Variants in SLC12A1 observed in about 807,000 individuals in gnomAD.
The protein encoded by SLC12A1 is solute carrier family 12 member 1.
In SLC12A1, 89 loss-of-function variants were observed where a neutral mutation model predicts 130.4. That is an observed-to-expected ratio of 0.68 (90% CI 0.58 to 0.81). The LOEUF is 0.81. SLC12A1 is among the 40% of genes least tolerant of loss of function. SLC12A1 has a pLI of 0.00. For synonymous variants in SLC12A1, 499 were observed against 460.0 expected (o/e 1.08, Z -1.09); for missense variants, 1,310 against 1,336.4 (o/e 0.98, Z 0.31).
At chr15:48,273,238 G>T (rs1320330112) in intron 19 of SLC12A1, among the ~76,000 whole-genome samples, 1 of 152,102 alleles carries the variant, frequency 6.6e-6, no homozygotes, top group Non-Finnish European at 1.5e-5. Context: ...GCTTCCAGAA[G>T]CTCCCCTCAT....
chr15:48,274,516 G>T (rs1731955736), intron 19 of SLC12A1, 55 bp from the exon 20 acceptor site: 3 of 1,146,282 alleles, frequency 2.6e-6, no homozygotes, highest in Non-Finnish European at 3.9e-6. Flanking sequence ...CTAGTCCAAA[G>T]CTTGAGGATT....
At chr15:48,272,530 G>A (rs1025204354) in intron 19 of SLC12A1, among the ~76,000 whole-genome samples, 7 of 152,128 alleles carry the variant, frequency 4.6e-5, no homozygotes, top group Admixed American at 2.6e-4. Flanking sequence ...AGGTTCAAGC[G>A]ACTCTCCTGT....
chr15:48,220,149 A>AGATAGAT (rs2041189220), intron 2 of SLC12A1, among the ~76,000 whole-genome samples: 4 of 149,588 alleles, frequency 2.7e-5, no homozygotes, highest in Non-Finnish European at 5.9e-5. Flanking sequence ...ATAGATAGAT[A>AGATAGAT]GATAGATAGA....
intron 5 of SLC12A1, chr15:48,227,635 A>G (rs1194980631): frequency 6.1e-6 from 1 of 164,158 alleles, no homozygotes; most frequent in Non-Finnish European, 1.3e-5. Flanking sequence ...GATCATTAGA[A>G]GGGAATAAAC....
At chr15:48,231,574 T>C (rs1456447178) in intron 7 of SLC12A1, among the ~76,000 whole-genome samples, 1 of 152,198 alleles carries the variant, frequency 6.6e-6, no homozygotes, top group Non-Finnish European at 1.5e-5. Context: ...CTCTCGGTGC[T>C]TCAGTGTCTT....
At chr15:48,238,833 A>G (rs1177054697) in intron 9 of SLC12A1, among the ~76,000 whole-genome samples, 1 of 152,236 alleles carries the variant, frequency 6.6e-6, no homozygotes, top group Non-Finnish European at 1.5e-5. Context: ...GTTCCCATCC[A>G]GAACCTTACA....
intron 2 of SLC12A1, among the ~76,000 whole-genome samples, chr15:48,215,017 C>T (rs985431312): frequency 6.6e-6 from 1 of 150,480 alleles, no homozygotes; most frequent in Non-Finnish European, 1.5e-5. Context: ...GTATAAGTAG[C>T]AAATATTATC....
At chr15:48,230,263 C>T (rs758316105) in intron 6 of SLC12A1, 130 bp from the exon 7 acceptor site, 40 of 599,390 alleles carry the variant, frequency 6.7e-5, no homozygotes, top group Non-Finnish European at 1.1e-4. Flanking sequence ...TGTATGAATA[C>T]TCCATTTTTC....
chr15:48,226,164 C>A, intron 4 of SLC12A1: 1 of 263,028 alleles, frequency 3.8e-6, no homozygotes, highest in Non-Finnish European at 7.0e-6. Context: ...GAAAGAAGGT[C>A]AAATGTCATG....
intron 16 of SLC12A1, among the ~76,000 whole-genome samples, chr15:48,257,398 G>A (rs912161355): frequency 6.6e-6 from 1 of 152,134 alleles, no homozygotes; most frequent in East Asian, 1.9e-4. Flanking sequence ...AGTCTGTCTG[G>A]GGGCTCCGAC....
chr15:48,279,976 G>C (rs893928588), intron 20 of SLC12A1, among the ~76,000 whole-genome samples: 1 of 152,184 alleles, frequency 6.6e-6, no homozygotes, highest in Non-Finnish European at 1.5e-5. Flanking sequence ...GCTTTGAGTT[G>C]ATTGACCAAG....
intron 9 of SLC12A1, among the ~76,000 whole-genome samples, chr15:48,236,413 G>A (rs1290663374): frequency 6.6e-6 from 1 of 152,198 alleles, no homozygotes; most frequent in Non-Finnish European, 1.5e-5. Context: ...GTCAGGCATA[G>A]GGAAACTGGG....
rs910893883 is a variant in SLC12A1, at chr15:48,303,087, A to G, written c.*202A>G. 14 of 388,298 alleles carry G rather than the reference A, an allele frequency of 3.6e-5. No individual in the cohort carries two copies. The highest frequency in any genetic ancestry group is 6.3e-5 in the Non-Finnish European group (14 of 221,248). 24.1% of individuals were successfully genotyped at this position (388,298 alleles called of 1,614,324 possible). On this transcript the variant is annotated 3_prime_UTR_variant, in exon 27 of 27. Transcript: ENST00000380993. ...TCAGCTTAAGGGGTTGTCAAAGCCAATGTTATCCCTAGAAAAACATTTTTG... is the reference window on the plus strand; with the variant it reads ...TCAGCTTAAGGGGTTGTCAAAGCCAGTGTTATCCCTAGAAAAACATTTTTG...
chr15:48,255,336 G>A (rs1457820951), intron 15 of SLC12A1, among the ~76,000 whole-genome samples: 1 of 151,954 alleles, frequency 6.6e-6, no homozygotes, highest in Non-Finnish European at 1.5e-5. Flanking sequence ...TACTCAGGAG[G>A]CTGAGGCAGG....
chr15:48,210,623 G>A (rs1195204071), intron 2 of SLC12A1, among the ~76,000 whole-genome samples: 1 of 151,064 alleles, frequency 6.6e-6, no homozygotes, highest in Admixed American at 6.6e-5. Context: ...GGGAGGCTGA[G>A]GCTGGTGGAT....
intron 2 of SLC12A1, among the ~76,000 whole-genome samples, chr15:48,220,124 AAAAAAGGTAGATAGATAGATAGAT>A (rs1216566896): frequency 2.1e-5 from 2 of 93,434 alleles, no homozygotes; most frequent in African/African-American, 6.8e-5. Context: ...AAAAAAAAAA[AAAAAAGGTAGATAGATAGATAGAT>A]AGATAGATAG....
At chr15:48,229,076 G>T (rs749005415) in intron 5 of SLC12A1, 113 bp from the exon 6 acceptor site, 11 of 1,182,650 alleles carry the variant, frequency 9.3e-6, no homozygotes, top group Non-Finnish European at 1.3e-5. Flanking sequence ...CTGGGAAGTT[G>T]TAATACTGTT....
In SLC12A1 at chr15:48,274,078, G is replaced by A. The variant is rs74704759; in HGVS notation, c.2403-493G>A. Among the ~76,000 whole-genome samples the A allele has an allele frequency of 5.0e-3, 756 of 152,248 alleles. 7 individuals carry two copies. Among genetic ancestry groups the A allele is most frequent in the African/African-American group, 0.017 (709 of 41,540 alleles). On this transcript the variant is annotated intron_variant, in intron 19 of 26. Transcript: ENST00000380993. ...TGAAAAAGCATTGCTCCAAATGACC[G>A]GTTTAGAGTCAATTCTGAAAATTCT...
At chr15:48,285,019 C>CTGT in intron 20 of SLC12A1, 87 bp from the exon 21 acceptor site, 1 of 992,126 alleles carries the variant, frequency 1.0e-6, no homozygotes, top group Non-Finnish European at 1.5e-6. Flanking sequence ...CACATACATA[C>CTGT]CATTTTAAAT....
Sources: allele counts gnomAD v4.1 joint callset (sites outside exome capture counted in the v4.1 genomes callset), GRCh38; gene constraint gnomAD v4.1.1; transcripts MANE v1.5; gene names NCBI Gene and HGNC (gene_info 2026-07-23, HGNC 2026-07-21).